The following SCN2A variants were observed in gnomAD, a reference collection of about 807,000 sequenced individuals.
SCN2A encodes sodium channel protein type 2 subunit alpha.
In SCN2A, 20 loss-of-function variants were observed where a neutral mutation model predicts 188.7. That is an observed-to-expected ratio of 0.11 (90% CI 0.07 to 0.15). SCN2A has a LOEUF of 0.15. Ranked by LOEUF, SCN2A falls within the 10% of genes least tolerant of loss-of-function variation. SCN2A has a pLI of 1.00. For missense variants in SCN2A, 1,278 were observed against 2,445.0 expected (o/e 0.52, Z 10.07); for synonymous variants, 804 against 833.1 (o/e 0.97, Z 0.60).
intron 22 of SCN2A, among the ~76,000 whole-genome samples, chr2:165,377,350 A>G (rs1400551261): frequency 1.3e-5 from 2 of 151,980 alleles, no homozygotes; most frequent in Non-Finnish European, 2.9e-5. Context: ...ATGATAGCAT[A>G]TTGTTACAGT....
At position 165,342,371 on chromosome 2, in the gene SCN2A, G is replaced by A. The variant is rs778938158; in HGVS notation, c.2464G>A (p.Gly822Ser). Residue 822 changes from glycine (G) to serine (S), a missense_variant, in exon 15 of 27, where the codon GGC becomes AGC. Transcript: ENST00000375437. ...GGATCCATATTATTACTTTCAAGAA[G>A]GCTGGAATATTTTTGATGGTTTTAT... ...AMDPYYYFQE[G>S]WNIFDGFIVS... 1 of 1,613,986 alleles carries A rather than the reference G, an allele frequency of 6.2e-7. No homozygotes were observed. Among genetic ancestry groups the A allele is most frequent in the South Asian group, 1.1e-5 (1 of 91,080 alleles).
intron 1 of SCN2A, chr2:165,267,952 C>T (rs922096463): frequency 6.6e-6 from 1 of 151,772 alleles, no homozygotes; most frequent in Non-Finnish European, 1.5e-5. Context: ...AAAAGATAAG[C>T]GTTGGTAAGG....
chr2:165,375,062 A>G, intron 22 of SCN2A, 96 bp downstream of exon 22: 2 of 1,038,406 alleles, frequency 1.9e-6, no homozygotes, highest in South Asian at 2.8e-5. Flanking sequence ...TAGAATGGCT[A>G]TTATCAAACA....
Position 165,313,750 on chromosome 2 carries a change from C to A in SCN2A, c.1165C>A (p.Leu389Ile). The A allele has an allele frequency of 6.2e-7, 1 of 1,613,636 alleles. No homozygotes were observed. The change falls in exon 9 of 27, where the codon CTT (leucine) becomes ATT (isoleucine). Residue 389 changes from leucine to isoleucine, a missense_variant. Leu to Ile is a conservative substitution (Grantham distance 5). Around this residue, in one of 17 missense-constraint regions of SCN2A, gnomAD observed 42 missense variants for 137.3 expected, o/e 0.31. Coordinates refer to ENST00000375437, the MANE Select transcript of SCN2A (RefSeq NM_001040142.2). ...CATGACTCAAGACTTCTGGGAAAACCTTTATCAACTGGTGAGAACAGATAA... is the reference window on the plus strand; with the variant it reads ...CATGACTCAAGACTTCTGGGAAAACATTTATCAACTGGTGAGAACAGATAA... ...RLMTQDFWENLYQLTLRAAGK... is the reference protein window; with the variant it reads ...RLMTQDFWENIYQLTLRAAGK...
chr2:165,251,167 G>T (rs1010872420), intron 1 of SCN2A, among the ~76,000 whole-genome samples: 1 of 151,978 alleles, frequency 6.6e-6, no homozygotes, highest in East Asian at 1.9e-4. Context: ...ATGGACTCAG[G>T]AATATGTAAG....
At chr2:165,332,073 G>T (rs967195130) in intron 14 of SCN2A, among the ~76,000 whole-genome samples, 1 of 151,588 alleles carries the variant, frequency 6.6e-6, no homozygotes, top group African/African-American at 2.4e-5. Flanking sequence ...ATTTAATTTT[G>T]TTAAAATATA....
At chr2:165,271,419 G>A (rs1025201976) in intron 1 of SCN2A, 1 of 152,080 alleles carries the variant, frequency 6.6e-6, no homozygotes, top group African/African-American at 2.4e-5. Flanking sequence ...ATACTCGATG[G>A]GAATTCTGTC....
intron 9 of SCN2A, 22 bp from the exon 10 acceptor site, chr2:165,313,880 A>T: frequency 1.9e-6 from 3 of 1,613,362 alleles, no homozygotes; most frequent in Non-Finnish European, 2.5e-6. Context: ...AAATTTATTA[A>T]AATCTCTCTT....
At chr2:165,324,319 GTCT>G (rs1402948964) in intron 12 of SCN2A, among the ~76,000 whole-genome samples, 1 of 152,052 alleles carries the variant, frequency 6.6e-6, no homozygotes, top group Non-Finnish European at 1.5e-5. Flanking sequence ...CATTCAAAAT[GTCT>G]TCTTATGATT....
chr2:165,280,602 A>G (rs1017044696), intron 1 of SCN2A, among the ~76,000 whole-genome samples: 1 of 152,208 alleles, frequency 6.6e-6, no homozygotes, highest in Non-Finnish European at 1.5e-5. Flanking sequence ...TGACTATTGC[A>G]GTCTTGTGAA....
intron 1 of SCN2A, among the ~76,000 whole-genome samples, chr2:165,277,432 T>C (rs1167096337): frequency 6.6e-6 from 1 of 152,174 alleles, no homozygotes; most frequent in Admixed American, 6.5e-5. Context: ...AGAAAGCTTT[T>C]ATAGGGAGAA....
Position 165,315,692 on chromosome 2 carries a change from A to G in SCN2A, c.1605A>G (p.Lys535=), listed in dbSNP as rs367647572. 5.6e-6 allele frequency: 9 copies of G among 1,613,568 alleles called. No homozygotes were observed. The African/African-American group carries it at 8.0e-5, about 14-fold the overall frequency. The change falls in exon 11 of 27, where the codon AAA becomes AAG. Residue 535 remains lysine (K), a synonymous_variant. Coordinates refer to ENST00000375437, the MANE Select transcript of SCN2A (RefSeq NM_001040142.2). ...AATCTGAAGACAGCATAAGAAGAAA[A>G]GGTTTCCGTTTTTCCTTGGAAGGAA... ...KSESEDSIRR[K]GFRFSLEGSR...
intron 24 of SCN2A, 68 bp downstream of exon 24, chr2:165,380,797 C>A (rs1424556600): frequency 3.2e-6 from 4 of 1,257,362 alleles, no homozygotes; most frequent in Non-Finnish European, 4.5e-6. Context: ...TTTCCTTTAG[C>A]CTCCAAAATG....
At chr2:165,256,883 G>T (rs1574449148) in intron 1 of SCN2A, among the ~76,000 whole-genome samples, 1 of 152,002 alleles carries the variant, frequency 6.6e-6, no homozygotes, top group Admixed American at 6.6e-5. Flanking sequence ...ATCAAATATT[G>T]CTTATTTCCT....
chr2:165,291,437 T>TCTTTCTTC (rs1441491871), intron 1 of SCN2A, among the ~76,000 whole-genome samples: 1 of 12,596 alleles, frequency 7.9e-5, no homozygotes. Flanking sequence ...TCTTTCTTTC[T>TCTTTCTTC]CTTTCTTTCT....
intron 23 of SCN2A, among the ~76,000 whole-genome samples, chr2:165,378,354 T>C (rs907575870): frequency 4.0e-5 from 6 of 150,796 alleles, no homozygotes; most frequent in African/African-American, 1.5e-4. Flanking sequence ...TTCCACTTCA[T>C]AAAAACAGAG....
At position 165,310,584 on chromosome 2, in the gene SCN2A, T is replaced by C; in HGVS notation, c.959T>C (p.Ile320Thr). 1 of 1,610,714 alleles carries C rather than the reference T, an allele frequency of 6.2e-7. No homozygotes were observed. The highest frequency in any genetic ancestry group is 8.5e-7 in the Non-Finnish European group (1 of 1,177,464). ...AGCATATTTAACTGGGATGAATATA[T>C]TGAGGATAAAAGTAAGATATACTCT... is the stretch of plus-strand genomic sequence containing the variant. ...TVSIFNWDEY[I>T]EDKSHFYFLE... The change falls in exon 7 of 27, where the codon ATT becomes ACT. Residue 320 changes from isoleucine (I) to threonine (T), a missense_variant. By Grantham distance (89) the Ile-to-Thr change is moderately conservative (BLOSUM62 -1). Around this residue, in one of 17 missense-constraint regions of SCN2A, gnomAD observed 45 missense variants for 58.1 expected, o/e 0.77. Transcript: ENST00000375437.
rs1460276574 is a variant in SCN2A, at chr2:165,326,932, A to G, written c.2097A>G (p.Thr699=). ...HVSMDLLEDP[T]SRQRAMSIAS... The stretch of plus-strand genomic sequence containing the variant: ...CCATGGATTTATTGGAAGATCCTAC[A>G]TCAAGGCAAAGAGCAATGAGTATAG... Residue 699 remains threonine, a synonymous_variant, in exon 13 of 27, where the codon ACA becomes ACG. Transcript: ENST00000375437. The G allele has an allele frequency of 6.2e-7, 1 of 1,614,072 alleles. No homozygotes were observed. Among genetic ancestry groups the G allele is most frequent in the Non-Finnish European group, 8.5e-7 (1 of 1,179,936 alleles).
intron 1 of SCN2A, among the ~76,000 whole-genome samples, chr2:165,282,763 C>T (rs907914426): frequency 6.6e-6 from 1 of 152,088 alleles, no homozygotes; most frequent in African/African-American, 2.4e-5. Context: ...AAATTACTGG[C>T]CCTAGCAATT....
Sources: allele counts gnomAD v4.1 joint callset (sites outside exome capture counted in the v4.1 genomes callset), GRCh38; gene constraint gnomAD v4.1.1; regional missense constraint gnomAD v4.1.1; transcripts MANE v1.5; gene names NCBI Gene and HGNC (gene_info 2026-07-23, HGNC 2026-07-21).